ITPR2: variants seen among roughly 807,000 people sequenced by gnomAD.
ITPR2 encodes the protein inositol 1,4,5-trisphosphate-gated calcium channel ITPR2.
ITPR2 carries 207 observed loss-of-function variants against 317.1 expected under a neutral mutation model. The observed-to-expected ratio is 0.65, with a 90% confidence interval of 0.58 to 0.73. The LOEUF is 0.73. ITPR2 is among the 30% of genes least tolerant of loss of function. The probability of loss-of-function intolerance (pLI) is 0.00; values close to 1 mark genes in which losing one functional copy is unlikely to be tolerated. For missense variants in ITPR2, 2,613 were observed against 3,284.0 expected (o/e 0.80, Z 4.99); for synonymous variants, 1,156 against 1,149.1 (o/e 1.01, Z -0.12).
At chr12:26,401,998 A>C (rs548496568) in intron 52 of ITPR2, among the ~76,000 whole-genome samples, 1 of 152,328 alleles carries the variant, frequency 6.6e-6, no homozygotes, top group South Asian at 2.1e-4. Context: ...GCACATTCTG[A>C]TTTAAAAAGT....
rs374067978 is a variant in ITPR2, at chr12:26,599,947, A to G, written c.3801+40T>C. On this transcript the variant is annotated intron_variant, in intron 29 of 56. Transcript: ENST00000381340. ...AATGTTACTGAGACAAATTTGATGC[A>G]CACTTTACTAGAAATACTAGAAGCC... 3.2e-5 allele frequency: 47 copies of G among 1,490,174 alleles called. No individual in the cohort carries two copies. In the African/African-American group the frequency reaches 6.0e-4, roughly 19 times the overall value. 92.3% of individuals were successfully genotyped at this position (1,490,174 alleles called of 1,614,324 possible).
intron 55 of ITPR2, among the ~76,000 whole-genome samples, chr12:26,350,293 C>T (rs1423766192): frequency 2.0e-5 from 3 of 152,184 alleles, no homozygotes; most frequent in Non-Finnish European, 4.4e-5. Context: ...GTTTCAAAGA[C>T]TCATGGGTCA....
chr12:26,443,440 C>T (rs1565529705), intron 46 of ITPR2, 103 bp downstream of exon 46: 2 of 856,094 alleles, frequency 2.3e-6, no homozygotes, highest in Non-Finnish European at 3.7e-6. Context: ...AAACCACTCA[C>T]TTCTGCATCA....
chr12:26,522,886 A>T (rs924498152), intron 37 of ITPR2, among the ~76,000 whole-genome samples: 1 of 152,242 alleles, frequency 6.6e-6, no homozygotes, highest in African/African-American at 2.4e-5. Context: ...ACAGTTCAAG[A>T]CTGTTTTACC....
chr12:26,699,211 A>G (rs10771294), intron 9 of ITPR2, among the ~76,000 whole-genome samples: 5 of 151,892 alleles, frequency 3.3e-5, no homozygotes, highest in Non-Finnish European at 5.9e-5. Context: ...AATGTACCTA[A>G]GTCAAACACA....
At chr12:26,549,415 C>G (rs1247370230) in intron 37 of ITPR2, among the ~76,000 whole-genome samples, 1 of 152,052 alleles carries the variant, frequency 6.6e-6, no homozygotes, top group Non-Finnish European at 1.5e-5. Flanking sequence ...AAAACCCAAC[C>G]ACTACAATCT....
At chr12:26,602,974 A>T (rs1330503582) in intron 26 of ITPR2, among the ~76,000 whole-genome samples, 1 of 152,222 alleles carries the variant, frequency 6.6e-6, no homozygotes, top group African/African-American at 2.4e-5. Context: ...GTTTTCATAC[A>T]TATTATTAGT....
chr12:26,714,626 G>C (rs1948705674), intron 8 of ITPR2, among the ~76,000 whole-genome samples: 1 of 152,144 alleles, frequency 6.6e-6, no homozygotes, highest in African/African-American at 2.4e-5. Flanking sequence ...TTGGGGGCAG[G>C]TGAAGAATTT....
intron 28 of ITPR2, 63 bp downstream of exon 28, chr12:26,602,307 T>G (rs1038819808): frequency 6.5e-7 from 1 of 1,543,384 alleles, no homozygotes; most frequent in Admixed American, 2.1e-5. Flanking sequence ...CTTGGAACTT[T>G]GCAAAACATT....
intron 26 of ITPR2, among the ~76,000 whole-genome samples, chr12:26,608,436 C>T (rs1320331524): frequency 1.3e-5 from 2 of 152,176 alleles, no homozygotes; most frequent in African/African-American, 4.8e-5. Context: ...AGGAGCACCT[C>T]TGCCCGGCAG....
At chr12:26,566,909 A>G (rs1944999050) in intron 34 of ITPR2, among the ~76,000 whole-genome samples, 1 of 152,148 alleles carries the variant, frequency 6.6e-6, no homozygotes, top group South Asian at 2.1e-4. Context: ...CTGCACCATG[A>G]TCAAATCCTG....
At chr12:26,511,610 AT>A (rs947535563) in intron 37 of ITPR2, among the ~76,000 whole-genome samples, 5 of 151,940 alleles carry the variant, frequency 3.3e-5, no homozygotes, top group South Asian at 2.1e-4. Flanking sequence ...TTCCTAATAG[AT>A]TTTTTTCATA....
Position 26,486,117 on chromosome 12 carries a change from T to C in ITPR2, c.5798A>G (p.Asn1933Ser), listed in dbSNP as rs1260081811. Residue 1933 changes from asparagine to serine, a missense_variant, in exon 41 of 57, where the codon AAC (asparagine) becomes AGC (serine). Around this residue, in one of 9 missense-constraint regions of ITPR2, gnomAD observed 926 missense variants for 1,072.8 expected, o/e 0.86. Coordinates refer to ENST00000381340, the MANE Select transcript of ITPR2 (RefSeq NM_002223.4). ...CAGAACAAATACCTGCAATTCCCGG[T>C]TGTGATTCTCACACAGTAACTGAAG... ...RFLQLLCENH[N>S]RELQNFLRNQ... 5 of 1,614,036 alleles carry C rather than the reference T, an allele frequency of 3.1e-6. No individual in the cohort carries two copies. The highest frequency in any genetic ancestry group is 1.7e-5 in the Admixed American group (1 of 60,008).
chr12:26,558,664 GCT>G (rs1944730682), intron 35 of ITPR2, among the ~76,000 whole-genome samples: 1 of 152,114 alleles, frequency 6.6e-6, no homozygotes. Context: ...ACTCTTGATA[GCT>G]CCTGCTCCTT....
Position 26,655,797 on chromosome 12 carries a change from T to A in ITPR2, c.2500A>T (p.Thr834Ser). The A allele has an allele frequency of 6.2e-7, 1 of 1,612,540 alleles. No homozygotes were observed. Among genetic ancestry groups the A allele is most frequent in the East Asian group, 2.2e-5 (1 of 44,842 alleles). The part of the protein sequence containing the change: ...RNDMKRKFAL[T>S]MEFVEEYLKE... ...AAATATTCTTCAACAAATTCCATTG[T>A]CAGGGCAAATTTCCTCTTCATATCA... The change falls in exon 20 of 57, where the codon ACA (threonine) becomes TCA (serine). Residue 834 changes from threonine to serine, a missense_variant. Transcript: ENST00000381340.
chr12:26,639,678 T>A (rs1446722346), intron 21 of ITPR2, among the ~76,000 whole-genome samples: 1 of 141,138 alleles, frequency 7.1e-6, no homozygotes, highest in African/African-American at 2.7e-5. Flanking sequence ...TGTCCATGTG[T>A]TCTCATTGTT....
chr12:26,461,983 T>C (rs935133367), intron 45 of ITPR2, among the ~76,000 whole-genome samples: 3 of 151,316 alleles, frequency 2.0e-5, no homozygotes, highest in Admixed American at 6.6e-5. Flanking sequence ...AACTATTTTG[T>C]CTTTCAGCAT....
At chr12:26,379,513 G>C (rs927110710) in intron 55 of ITPR2, among the ~76,000 whole-genome samples, 1 of 152,132 alleles carries the variant, frequency 6.6e-6, no homozygotes, top group Non-Finnish European at 1.5e-5. Flanking sequence ...CCAATATTTA[G>C]CTGGTATGCA....
At chr12:26,614,497 C>T (rs760811793) in intron 26 of ITPR2, among the ~76,000 whole-genome samples, 2 of 152,172 alleles carry the variant, frequency 1.3e-5, no homozygotes, top group African/African-American at 2.4e-5. Context: ...TCAAAAGATA[C>T]GAGCTCAAAA....
Sources: gnomAD v4.1 joint callset for allele counts (sites outside exome capture counted in the v4.1 genomes callset) on GRCh38, gnomAD v4.1.1 for gene constraint, gnomAD v4.1.1 regional missense constraint, MANE v1.5 for transcripts, NCBI Gene and HGNC (gene_info 2026-07-23, HGNC 2026-07-21) for gene names.